Variants in EVC observed in about 807,000 individuals in gnomAD.
EVC encodes the protein EvC ciliary complex subunit 1.
A neutral mutation model predicts 118.9 loss-of-function variants in EVC; 116 were observed. The observed-to-expected ratio is 0.98, with a 90% CI of 0.84 to 1.14. EVC has a LOEUF of 1.14. Among genes scored for constraint, EVC ranks in the 50% most tolerant of loss-of-function variants. The pLI is 0.00. For synonymous variants in EVC, 619 were observed against 534.7 expected (o/e 1.16, Z -2.18); for missense variants, 1,401 against 1,246.4 (o/e 1.12, Z -1.87).
intron 1 of EVC, among the ~76,000 whole-genome samples, chr4:5,718,927 C>A (rs567241379): frequency 5.6e-4 from 86 of 152,268 alleles, no homozygotes; most frequent in African/African-American, 2.0e-3. Flanking sequence ...CCAATGGGGT[C>A]CCCAACCTAG....
chr4:5,790,678 A>G (rs576680500), intron 12 of EVC, among the ~76,000 whole-genome samples: 1 of 152,270 alleles, frequency 6.6e-6, no homozygotes, highest in South Asian at 2.1e-4. Flanking sequence ...GTGACCTTGG[A>G]CCTCATTAGA....
chr4:5,769,214 A>C (rs58912708), intron 11 of EVC, among the ~76,000 whole-genome samples: 32,524 of 152,080 alleles, frequency 0.21, 3,738 homozygotes, highest in East Asian at 0.36. Flanking sequence ...TCACATCTTA[A>C]ATGGCAGCAG....
At chr4:5,786,213 CAAGTT>C (rs1473607582) in intron 12 of EVC, among the ~76,000 whole-genome samples, 2 of 152,192 alleles carry the variant, frequency 1.3e-5, no homozygotes, top group African/African-American at 4.8e-5. Context: ...TCAGATAATG[CAAGTT>C]AAGACCTTTT....
chr4:5,802,152 T>A (rs1365818103), intron 16 of EVC, 58 bp downstream of exon 16: 4 of 1,603,958 alleles, frequency 2.5e-6, no homozygotes, highest in African/African-American at 2.7e-5. Flanking sequence ...TGCTTTTAGT[T>A]TGGGGCAGAA....
Position 5,746,449 on chromosome 4 carries a change from A to G in EVC, c.939+1108A>G, listed in dbSNP as rs1057358192. 6.6e-6 allele frequency among the ~76,000 whole-genome samples: 1 copy of G among 152,200 alleles called. No individual in the cohort carries two copies. The highest frequency in any genetic ancestry group is 2.4e-5 in the African/African-American group (1 of 41,454). ...GCTGAAATAAGCGCCCCAGAGCAAG[A>G]TGCTCATGGGAGGGAGGGAGCCAAT... On this transcript the variant is annotated intron_variant, in intron 7 of 20. Transcript: ENST00000264956. The surrounding 1 kb of genome is among the most constrained non-coding windows in gnomAD (Gnocchi z 5.8).
At chr4:5,821,676 CTG>C in the EVC span, 158 of 1,328,738 alleles carry the variant, frequency 1.2e-4, no homozygotes, top group Admixed American at 2.1e-4. The surrounding 1 kb of genome is among the most constrained non-coding windows in gnomAD (Gnocchi z 4.4). Flanking sequence ...CCAACTAAAA[CTG>C]TGGGTTTCAA....
intron 5 of EVC, among the ~76,000 whole-genome samples, chr4:5,740,277 C>T (rs894455993): frequency 1.3e-5 from 2 of 151,912 alleles, no homozygotes; most frequent in Non-Finnish European, 2.9e-5. Context: ...TCAAGACCAG[C>T]CTGGCCAACA....
At position 5,719,321 on chromosome 4, in the gene EVC, C is replaced by G. The variant is rs886059495; in HGVS notation, c.248C>G (p.Ser83Ter). Residue 83 changes from serine to a stop codon, truncating the protein, a stop_gained, in exon 2 of 21, where the codon TCA becomes TGA. Transcript: ENST00000264956. LOFTEE classifies it high-confidence loss of function. The surrounding 1 kb of genome is among the most constrained non-coding windows in gnomAD (Gnocchi z 4.7). The stretch of plus-strand genomic sequence containing the variant: ...ACCCCCTCGGAAACTGGCTCCCCAT[C>G]AAGGAGGAGGAAGAGAGAAGTGCAG... ...AQTPSETGSP[S>*]RRRKREVQMS... 6.2e-7 allele frequency: 1 copy of G among 1,614,110 alleles called. No individual in the cohort carries two copies. Among genetic ancestry groups the G allele is most frequent in the Admixed American group, 1.7e-5 (1 of 60,028 alleles).
At chr4:5,758,163 C>G (rs773925802) in intron 11 of EVC, 3 of 701,084 alleles carry the variant, frequency 4.3e-6, no homozygotes, top group Non-Finnish European at 7.8e-6. Flanking sequence ...AGCCACAAGC[C>G]GAGGAACACC....
Position 5,783,690 on chromosome 4 carries a change from C to A in EVC, c.1702C>A (p.Gln568Lys), listed in dbSNP as rs1193301611. Residue 568 changes from glutamine (Q) to lysine (K), a missense_variant, in exon 12 of 21, where the codon CAG (glutamine) becomes AAG (lysine). Physicochemically the swap from Gln to Lys is moderately conservative, Grantham distance 53. Transcript: ENST00000264956. ...RQEVQENAAW[Q>K]LGKSNRFRRQ... is the part of the protein sequence containing the mutation. The stretch of plus-strand genomic sequence containing the variant: ...GGAAGTCCAGGAGAACGCTGCCTGG[C>A]AGCTGGGGAAGTCAAATCGCTTCCG... The A allele has an allele frequency of 6.2e-7, 1 of 1,614,018 alleles. No individual in the cohort carries two copies. The highest frequency in any genetic ancestry group is 1.7e-5 in the Admixed American group (1 of 59,998).
rs1729225454 is a variant in EVC, at chr4:5,745,417, ATAGT to A, written c.939+80_939+83del. The stretch of plus-strand genomic sequence containing the variant: ...TTAAATTGGCTACATTAGAGAGATG[ATAGT>A]TAGAAGTGTGCCTAATACTTGAATT... On this transcript the variant is annotated intron_variant, in intron 7 of 20. Coordinates refer to ENST00000264956, the MANE Select transcript of EVC (RefSeq NM_153717.3). 7 of 1,503,044 alleles carry A rather than the reference ATAGT, an allele frequency of 4.7e-6. No homozygotes were observed. In the Admixed American group the frequency reaches 1.0e-4, roughly 22 times the overall value. 93.1% of individuals were successfully genotyped at this position (1,503,044 alleles called of 1,614,324 possible). A position where few individuals can be genotyped will look rare whatever the true frequency, so the allele number is the denominator to read the frequency against.
chr4:5,713,581 G>T (rs1271536438), intron 1 of EVC, among the ~76,000 whole-genome samples: 1 of 151,142 alleles, frequency 6.6e-6, no homozygotes, highest in African/African-American at 2.4e-5. Context: ...GGAGGCTGAG[G>T]CAGGAGAATC....
At chr4:5,809,387 AAATTCTCCTCCACACGGGAGACGTGG>A (rs1716523233) in intron 18 of EVC, 105 bp from the exon 19 acceptor site, 1 of 782,468 alleles carries the variant, frequency 1.3e-6, no homozygotes, top group South Asian at 1.4e-5. Context: ...GTATGTTGGA[AAATTCTCCTCCACACGGGAGACGTGG>A]TCTTCAGTGG....
chr4:5,744,209 G>A (rs1013209401), intron 6 of EVC, among the ~76,000 whole-genome samples: 5 of 152,174 alleles, frequency 3.3e-5, no homozygotes, highest in African/African-American at 1.2e-4. Flanking sequence ...TCCTGCCTGG[G>A]CATCTTTGGA....
rs1490498550 is a variant in EVC at position 5,755,990 on chromosome 4, A to G, written c.1465-274A>G. On this transcript the variant is annotated intron_variant, in intron 10 of 20. Coordinates refer to ENST00000264956, the MANE Select transcript of EVC (RefSeq NM_153717.3). The surrounding 1 kb of genome is among the most constrained non-coding windows in gnomAD (Gnocchi z 4.1). ...GTCTGGGTGGCTGCAGCCAGGACAG[A>G]GGAGTGACAGAAGTGGTCCAGTGGC... Among the ~76,000 whole-genome samples, 1 of 152,160 alleles carries G rather than the reference A, an allele frequency of 6.6e-6. No individual in the cohort carries two copies. The highest frequency in any genetic ancestry group is 1.5e-5 in the Non-Finnish European group (1 of 68,016).
At position 5,773,322 on chromosome 4, in the gene EVC, T is replaced by G. The variant is rs75197066; in HGVS notation, c.1564-10230T>G. On this transcript the variant is annotated intron_variant, in intron 11 of 20. Transcript: ENST00000264956. ...CATGGGCTGCAGCTTGGCCAGCAGTTAGCTGATCTAGGCTGGGCTTGATTA... is the reference window on the plus strand; with the variant it reads ...CATGGGCTGCAGCTTGGCCAGCAGTGAGCTGATCTAGGCTGGGCTTGATTA... 3.4e-3 allele frequency among the ~76,000 whole-genome samples: 516 copies of G among 152,218 alleles called. 4 individuals carry two copies. The highest frequency in any genetic ancestry group is 0.011 in the African/African-American group (469 of 41,500).
chr4:5,810,236 A>G, intron 19 of EVC, 103 bp from the exon 20 acceptor site: 1 of 894,502 alleles, frequency 1.1e-6, no homozygotes, highest in South Asian at 1.4e-5. Flanking sequence ...CTTGGCCCAC[A>G]CAACATGCTC....
At chr4:5,758,237 G>T in intron 11 of EVC, 1 of 651,978 alleles carries the variant, frequency 1.5e-6, no homozygotes, top group East Asian at 2.7e-5. Context: ...GAGGGGGCGA[G>T]GCTCTGCCAA....
Position 5,731,944 on chromosome 4 carries a change from G to A in EVC, c.617+287G>A, listed in dbSNP as rs973025582. On this transcript the variant is annotated intron_variant, in intron 4 of 20. Transcript: ENST00000264956. The surrounding 1 kb of genome is among the most constrained non-coding windows in gnomAD (Gnocchi z 5.6). ...CCCAGCTACTGGCGAAGTTGATTAA[G>A]TGGGTACTTCTGAGTACCGGGCAGA... is the stretch of plus-strand genomic sequence containing the variant. Among the ~76,000 whole-genome samples, 1 of 144,528 alleles carries A rather than the reference G, an allele frequency of 6.9e-6. No individual in the cohort carries two copies. Among genetic ancestry groups the A allele is most frequent in the African/African-American group, 2.4e-5 (1 of 40,872 alleles). The allele number at this position is 144,528 out of a possible 152,430, so 94.8% of individuals were successfully genotyped here. A position where few individuals can be genotyped will look rare whatever the true frequency, so the allele number is the denominator to read the frequency against.
Sources: allele counts gnomAD v4.1 joint callset (sites outside exome capture counted in the v4.1 genomes callset), GRCh38; gene constraint gnomAD v4.1.1; non-coding constraint Gnocchi (gnomAD v3.1); transcripts MANE v1.5; gene names NCBI Gene and HGNC (gene_info 2026-07-23, HGNC 2026-07-21).